Variants in PLPPR5 observed in about 807,000 individuals in gnomAD.
PLPPR5 encodes phospholipid phosphatase related 5.
Under a neutral mutation model 33.9 loss-of-function variants are expected in PLPPR5, and 16 were observed. The ratio of observed to expected loss-of-function variants is 0.47; its 90% CI spans 0.32 to 0.72. The LOEUF is 0.72. Among genes scored for constraint, PLPPR5 ranks in the 30% least tolerant of loss-of-function variants. PLPPR5 has a pLI of 0.03. For missense variants in PLPPR5, 301 were observed against 406.7 expected (o/e 0.74, Z 2.23); for synonymous variants, 163 against 150.3 (o/e 1.08, Z -0.62).
At chr1:98,953,367 G>GTGTA in intron 2 of PLPPR5, 47 bp from the exon 3 acceptor site, 1 of 1,156,410 alleles carries the variant, frequency 8.6e-7, no homozygotes. Flanking sequence ...GTGTGTGTGT[G>GTGTA]TGTGTGTGTG....
At chr1:98,893,622 T>TTTTTC (rs1438713160) in intron 5 of PLPPR5, among the ~76,000 whole-genome samples, 1 of 149,048 alleles carries the variant, frequency 6.7e-6, no homozygotes, top group Non-Finnish European at 1.5e-5. Context: ...CAGCGCCTTT[T>TTTTTC]TTTTTTTTTT....
intron 1 of PLPPR5, among the ~76,000 whole-genome samples, chr1:98,983,865 G>C (rs1652147455): frequency 6.6e-6 from 1 of 151,382 alleles, no homozygotes; most frequent in Admixed American, 6.6e-5. Flanking sequence ...TTTTTCATGT[G>C]ATTTTTTGGT....
chr1:98,951,516 A>C (rs1650783688), intron 3 of PLPPR5, among the ~76,000 whole-genome samples: 1 of 152,156 alleles, frequency 6.6e-6, no homozygotes, highest in Non-Finnish European at 1.5e-5. Flanking sequence ...AGAATCCTTG[A>C]CTCCATAAAA....
At chr1:98,922,816 T>C (rs1649617352) in intron 3 of PLPPR5, among the ~76,000 whole-genome samples, 1 of 152,032 alleles carries the variant, frequency 6.6e-6, no homozygotes, top group African/African-American at 2.4e-5. Flanking sequence ...AAACCCCATC[T>C]CTACTAAGAA....
chr1:98,948,497 C>T (rs309074), intron 3 of PLPPR5, among the ~76,000 whole-genome samples: 108,680 of 152,068 alleles, frequency 0.71, 40,047 homozygotes, highest in East Asian at 0.95. Context: ...AGTGTGACTT[C>T]GCTGCACCTC....
intron 1 of PLPPR5, among the ~76,000 whole-genome samples, chr1:98,975,884 T>C (rs913028505): frequency 6.6e-6 from 1 of 151,936 alleles, no homozygotes; most frequent in African/African-American, 2.4e-5. Context: ...TTCCCACTAA[T>C]GTGAGATCGT....
intron 5 of PLPPR5, among the ~76,000 whole-genome samples, chr1:98,911,050 T>C (rs1312522483): frequency 6.6e-6 from 1 of 152,174 alleles, no homozygotes; most frequent in Non-Finnish European, 1.5e-5. Flanking sequence ...CCTCCCTTTC[T>C]GCCTGATGAA....
chr1:98,986,804 T>A (rs1652279863), intron 1 of PLPPR5, among the ~76,000 whole-genome samples: 1 of 151,880 alleles, frequency 6.6e-6, no homozygotes, highest in African/African-American at 2.4e-5. Flanking sequence ...TCTGTTACAA[T>A]GACAAGGTTT....
At chr1:98,947,519 T>A (rs1459310754) in intron 3 of PLPPR5, among the ~76,000 whole-genome samples, 1 of 152,242 alleles carries the variant, frequency 6.6e-6, no homozygotes, top group African/African-American at 2.4e-5. Context: ...ACAGCATTAT[T>A]ATATTTTATG....
At chr1:98,906,914 G>A (rs2101141966) in intron 5 of PLPPR5, among the ~76,000 whole-genome samples, 1 of 151,968 alleles carries the variant, frequency 6.6e-6, no homozygotes, top group East Asian at 1.9e-4. Context: ...AGGTTTCTGT[G>A]GTATGTCCTC....
rs150249388 is a variant in PLPPR5, at chr1:98,891,743, T to A, written c.*1329A>T. 1.5e-3 allele frequency: 229 copies of A among 152,240 alleles called. No homozygotes were observed. Among genetic ancestry groups the A allele is most frequent in the African/African-American group, 5.4e-3 (223 of 41,556 alleles). The allele number at this position is 152,240 out of a possible 1,614,324, so 9.4% of individuals were successfully genotyped here. On this transcript the variant is annotated 3_prime_UTR_variant, in exon 6 of 6. Transcript: ENST00000263177. Reference sequence around the variant, plus strand: ...AGTGTTCATTCTTAAAACATAAACATTTAAAATACAGCAGAGCTTTCATAT... The same window carrying A: ...AGTGTTCATTCTTAAAACATAAACAATTAAAATACAGCAGAGCTTTCATAT...
chr1:98,951,741 A>G (rs1213526151), intron 3 of PLPPR5, among the ~76,000 whole-genome samples: 1 of 152,214 alleles, frequency 6.6e-6, no homozygotes, highest in African/African-American at 2.4e-5. Flanking sequence ...AAGGTATTCC[A>G]TATATTCTTT....
chr1:98,921,289 A>C (rs1015828351), intron 4 of PLPPR5, among the ~76,000 whole-genome samples: 6 of 152,166 alleles, frequency 3.9e-5, no homozygotes, highest in African/African-American at 1.4e-4. Flanking sequence ...ATGATTTGAC[A>C]TGGTATGGTC....
chr1:98,923,816 G>T (rs1266065163), intron 3 of PLPPR5, among the ~76,000 whole-genome samples: 1 of 152,166 alleles, frequency 6.6e-6, no homozygotes, highest in Non-Finnish European at 1.5e-5. Flanking sequence ...AAGAGAAAAC[G>T]ATGCTTTTGC....
At chr1:98,942,237 T>C (rs1409560396) in intron 3 of PLPPR5, among the ~76,000 whole-genome samples, 1 of 152,124 alleles carries the variant, frequency 6.6e-6, no homozygotes, top group African/African-American at 2.4e-5. Flanking sequence ...GCCTGGTTAA[T>C]ATTTTTTTGT....
At chr1:99,003,972 G>A (rs376740835) in intron 1 of PLPPR5, among the ~76,000 whole-genome samples, 1 of 152,136 alleles carries the variant, frequency 6.6e-6, no homozygotes, top group African/African-American at 2.4e-5. Flanking sequence ...GCCCCGACTC[G>A]GGAAGTGGGA....
At chr1:98,916,935 A>C (rs1471581) in intron 4 of PLPPR5, among the ~76,000 whole-genome samples, 1 of 152,016 alleles carries the variant, frequency 6.6e-6, no homozygotes, top group Non-Finnish European at 1.5e-5. Context: ...GAGTCTATAC[A>C]TTATCAGACA....
intron 5 of PLPPR5, among the ~76,000 whole-genome samples, chr1:98,899,988 T>C (rs925160575): frequency 4.6e-5 from 7 of 152,146 alleles, no homozygotes; most frequent in Admixed American, 1.3e-4. Flanking sequence ...CCTTCCTCTC[T>C]ACCACACTTT....
chr1:98,912,809 T>A (rs1396511861), intron 5 of PLPPR5, among the ~76,000 whole-genome samples: 2 of 152,206 alleles, frequency 1.3e-5, no homozygotes, highest in African/African-American at 2.4e-5. Context: ...AAGTATTTTG[T>A]GGAATTTATA....
Sources: gnomAD v4.1 joint callset for allele counts (sites outside exome capture counted in the v4.1 genomes callset) on GRCh38, gnomAD v4.1.1 for gene constraint, MANE v1.5 for transcripts, NCBI Gene and HGNC (gene_info 2026-07-23, HGNC 2026-07-21) for gene names.